The following PPARGC1A variants were observed in gnomAD, a reference collection of about 807,000 sequenced individuals.
PPARGC1A encodes peroxisome proliferator-activated receptor gamma coactivator 1-alpha.
In PPARGC1A, 25 loss-of-function variants were observed where a neutral mutation model predicts 88.7. That is an observed-to-expected ratio of 0.28 (90% CI 0.21 to 0.39). The LOEUF is 0.39. PPARGC1A is among the 10% of genes least tolerant of loss of function. The probability of loss-of-function intolerance (pLI) is 1.00; values close to 1 mark genes in which losing one functional copy is unlikely to be tolerated. For synonymous variants in PPARGC1A, 363 were observed against 355.6 expected (o/e 1.02, Z -0.24); for missense variants, 880 against 968.7 (o/e 0.91, Z 1.22).
At chr4:23,927,984 C>G in the PPARGC1A span, among the ~76,000 whole-genome samples, 1 of 152,046 alleles carries the variant, frequency 6.6e-6, no homozygotes, top group Non-Finnish European at 1.5e-5. Context: ...TTGAGGAGTT[C>G]CAAAAGCAGG....
the PPARGC1A span, among the ~76,000 whole-genome samples, chr4:23,981,669 T>A: frequency 6.6e-6 from 1 of 152,174 alleles, no homozygotes; most frequent in African/African-American, 2.4e-5. Flanking sequence ...AACCCCCTAA[T>A]ACAGCAGAAA....
chr4:24,274,480 AAGCAGCC>A, the PPARGC1A span, among the ~76,000 whole-genome samples: 2 of 152,218 alleles, frequency 1.3e-5, no homozygotes, highest in Non-Finnish European at 2.9e-5. Context: ...TGTAGTAGAG[AAGCAGCC>A]ATAGACAGTA....
chr4:24,037,184 T>C, the PPARGC1A span, among the ~76,000 whole-genome samples: 1 of 152,248 alleles, frequency 6.6e-6, no homozygotes, highest in South Asian at 2.1e-4. Context: ...TGTCATTTAC[T>C]AACCTTGGCA....
chr4:23,905,704 T>C (rs1719950607), upstream of PPARGC1A, among the ~76,000 whole-genome samples: 1 of 152,222 alleles, frequency 6.6e-6, no homozygotes, highest in Non-Finnish European at 1.5e-5. Context: ...GTAAGTATTA[T>C]TACTAATCTG....
At chr4:23,989,815 G>C in the PPARGC1A span, among the ~76,000 whole-genome samples, 2 of 151,398 alleles carry the variant, frequency 1.3e-5, no homozygotes, top group African/African-American at 2.4e-5. Flanking sequence ...GCTATTCTTT[G>C]ACAAGATTTA....
intron 2 of PPARGC1A, among the ~76,000 whole-genome samples, chr4:23,842,310 G>C (rs1259888425): frequency 1.3e-5 from 2 of 152,014 alleles, no homozygotes. Context: ...GGTGTGATTT[G>C]CTCTTCTATT....
chr4:24,121,320 G>A, the PPARGC1A span, among the ~76,000 whole-genome samples: 2 of 152,090 alleles, frequency 1.3e-5, no homozygotes, highest in African/African-American at 2.4e-5. Flanking sequence ...TTAGAACACC[G>A]CCAACCCTGC....
chr4:24,286,537 T>G, the PPARGC1A span, among the ~76,000 whole-genome samples: 1 of 152,110 alleles, frequency 6.6e-6, no homozygotes, highest in African/African-American at 2.4e-5. Context: ...CCTTTGGATT[T>G]GAGTGTGTGA....
the PPARGC1A span, among the ~76,000 whole-genome samples, chr4:24,170,268 G>T: frequency 7.9e-5 from 12 of 152,264 alleles, no homozygotes; most frequent in East Asian, 2.3e-3. Context: ...GCTCAAGTGT[G>T]TCTATATCCA....
chr4:24,382,384 C>G, the PPARGC1A span, among the ~76,000 whole-genome samples: 586 of 152,174 alleles, frequency 3.9e-3, 2 homozygotes, highest in Middle Eastern at 0.034. Flanking sequence ...GTTTGGGTTT[C>G]TTATTTCAAA....
Position 23,795,721 on chromosome 4 carries a change from A to T in PPARGC1A, c.*101T>A. 1.2e-6 allele frequency: 1 copy of T among 832,680 alleles called. No individual in the cohort carries two copies. The highest frequency in any genetic ancestry group is 1.9e-6 in the Non-Finnish European group (1 of 530,680). The allele number at this position is 832,680 out of a possible 1,614,324, so 51.6% of individuals were successfully genotyped here. ...TGTTTTTGTACAGAGAGTGTAAAGTAGGAGAAATTCCTAAGTATGACTTGC... is the reference window on the plus strand; with the variant it reads ...TGTTTTTGTACAGAGAGTGTAAAGTTGGAGAAATTCCTAAGTATGACTTGC... On this transcript the variant is annotated 3_prime_UTR_variant, in exon 13 of 13. Coordinates refer to ENST00000264867, the MANE Select transcript of PPARGC1A (RefSeq NM_013261.5).
the PPARGC1A span, among the ~76,000 whole-genome samples, chr4:24,014,990 A>C: frequency 6.6e-6 from 1 of 152,144 alleles, no homozygotes; most frequent in Non-Finnish European, 1.5e-5. Context: ...TTCTGTCGAG[A>C]GCAATGTTGC....
At chr4:23,887,447 C>T (rs1393039228) in intron 1 of PPARGC1A, among the ~76,000 whole-genome samples, 1 of 152,170 alleles carries the variant, frequency 6.6e-6, no homozygotes, top group Non-Finnish European at 1.5e-5. Flanking sequence ...TTACTGTTTC[C>T]CTATACCTCT....
At chr4:23,952,057 C>T in the PPARGC1A span, among the ~76,000 whole-genome samples, 16 of 152,008 alleles carry the variant, frequency 1.1e-4, no homozygotes, top group South Asian at 2.1e-4. Flanking sequence ...TTCCTTGTTC[C>T]GATTGAGGCT....
the PPARGC1A span, among the ~76,000 whole-genome samples, chr4:24,068,996 T>C: frequency 6.6e-6 from 1 of 152,220 alleles, no homozygotes; most frequent in African/African-American, 2.4e-5. Flanking sequence ...GCCCTACTCC[T>C]GGCAAGGTGT....
At chr4:24,267,613 G>A in the PPARGC1A span, among the ~76,000 whole-genome samples, 4 of 152,188 alleles carry the variant, frequency 2.6e-5, no homozygotes, top group African/African-American at 4.8e-5. Flanking sequence ...GGGTGAGGAG[G>A]TGGAAGCTTC....
At chr4:24,188,991 C>T in the PPARGC1A span, among the ~76,000 whole-genome samples, 1 of 152,096 alleles carries the variant, frequency 6.6e-6, no homozygotes, top group Non-Finnish European at 1.5e-5. Context: ...CTGACACACG[C>T]TACAACATGG....
At chr4:24,319,494 G>A in the PPARGC1A span, among the ~76,000 whole-genome samples, 4 of 152,188 alleles carry the variant, frequency 2.6e-5, no homozygotes, top group African/African-American at 7.2e-5. Context: ...GAAATGCCAC[G>A]TGGATCTCCT....
chr4:24,400,620 GT>G, the PPARGC1A span, among the ~76,000 whole-genome samples: 2 of 152,156 alleles, frequency 1.3e-5, no homozygotes, highest in African/African-American at 4.8e-5. Flanking sequence ...CCTTCCCTGT[GT>G]TGTAACTATT....
Sources: allele counts gnomAD v4.1 joint callset (sites outside exome capture counted in the v4.1 genomes callset), GRCh38; gene constraint gnomAD v4.1.1; transcripts MANE v1.5; gene names NCBI Gene and HGNC (gene_info 2026-07-23, HGNC 2026-07-21).